The following LRP1B variants were observed in gnomAD, a reference collection of about 807,000 sequenced individuals.
LRP1B encodes low-density lipoprotein receptor-related protein 1B.
Under a neutral mutation model 556.6 loss-of-function variants are expected in LRP1B, and 217 were observed. The observed-to-expected ratio is 0.39, with a 90% CI of 0.35 to 0.44. The LOEUF (loss-of-function observed/expected upper bound fraction) is 0.44. Among genes scored for constraint, LRP1B ranks in the 20% least tolerant of loss-of-function variants. The pLI is 1.00. For synonymous variants in LRP1B, 2,047 were observed against 1,865.8 expected, an observed-to-expected ratio of 1.10 and a Z score of -2.50; for missense variants, 5,053 against 5,620.8, an observed-to-expected ratio of 0.90 and a Z score of 3.23.
In LRP1B at chr2:142,102,743, T is replaced by A. The variant is rs188743593; in HGVS notation, c.82+27905A>T. 3.5e-3 allele frequency among the ~76,000 whole-genome samples: 536 copies of A among 151,908 alleles called. 6 individuals carry two copies. The highest frequency in any genetic ancestry group is 0.012 in the African/African-American group (519 of 41,532). On this transcript the variant is annotated intron_variant, in intron 1 of 90. Transcript: ENST00000389484. ...TATATAAAAAAATTGTCTCCCTAAATTTATTCTATGTGTCCAAGTCAGGTA... is the reference window on the plus strand; with the variant it reads ...TATATAAAAAAATTGTCTCCCTAAAATTATTCTATGTGTCCAAGTCAGGTA...
At chr2:141,439,630 GAT>G (rs1371558618) in intron 3 of LRP1B, among the ~76,000 whole-genome samples, 2 of 152,018 alleles carry the variant, frequency 1.3e-5, no homozygotes, top group Non-Finnish European at 2.9e-5. Flanking sequence ...CTTCAACACA[GAT>G]CACAATGTAG....
At chr2:140,779,740 GTCTCTC>G (rs1689628462) in intron 32 of LRP1B, among the ~76,000 whole-genome samples, 2 of 128,718 alleles carry the variant, frequency 1.6e-5, no homozygotes, top group African/African-American at 5.9e-5. Context: ...TGGTGTGTCT[GTCTCTC>G]TGTGAGAGAG....
chr2:140,387,530 C>A (rs1456324267), intron 66 of LRP1B, among the ~76,000 whole-genome samples: 1 of 151,864 alleles, frequency 6.6e-6, no homozygotes, highest in Non-Finnish European at 1.5e-5. Context: ...GCTCCAGCAA[C>A]ATTTTATTAG....
At position 140,456,446 on chromosome 2, in the gene LRP1B, T is replaced by C. The variant is rs746351071; in HGVS notation, c.9963+9A>G. 16 of 1,610,708 alleles carry C rather than the reference T, an allele frequency of 9.9e-6. No individual in the cohort carries two copies. The highest frequency in any genetic ancestry group is 8.0e-5 in the African/African-American group (6 of 74,802). ...CACTCTATAATAAGATTCCCAGACC[T>C]CCACTCACCTGGCTGGCTGTGCAGT... is the stretch of plus-strand genomic sequence containing the variant. On this transcript the variant is annotated intron_variant, in intron 62 of 90. Transcript: ENST00000389484.
intron 1 of LRP1B, among the ~76,000 whole-genome samples, chr2:141,914,074 A>AGG (rs1699972747): frequency 6.6e-6 from 1 of 152,124 alleles, no homozygotes; most frequent in Non-Finnish European, 1.5e-5. Context: ...CTTACCAAGG[A>AGG]GGGCACAGCC....
At chr2:141,423,077 G>C (rs1481887243) in intron 3 of LRP1B, among the ~76,000 whole-genome samples, 1 of 152,082 alleles carries the variant, frequency 6.6e-6, no homozygotes, top group African/African-American at 2.4e-5. Context: ...TGTTGTAAAA[G>C]GCGAAGAGGA....
chr2:141,986,582 A>G (rs1439289144), intron 1 of LRP1B, among the ~76,000 whole-genome samples: 1 of 151,992 alleles, frequency 6.6e-6, no homozygotes, highest in Non-Finnish European at 1.5e-5. Context: ...GACTTCTAAC[A>G]TATATTTTGA....
chr2:141,937,650 CA>C (rs1700676527), intron 1 of LRP1B, among the ~76,000 whole-genome samples: 1 of 151,020 alleles, frequency 6.6e-6, no homozygotes, highest in South Asian at 2.1e-4. Flanking sequence ...TAAAAAAAAC[CA>C]TGGTGCACCT....
intron 41 of LRP1B, among the ~76,000 whole-genome samples, chr2:140,673,932 CTT>C (rs1559047144): frequency 6.8e-6 from 1 of 146,716 alleles, no homozygotes; most frequent in Non-Finnish European, 1.5e-5. Context: ...AAATATATCT[CTT>C]TTCTTTTTTC....
intron 1 of LRP1B, among the ~76,000 whole-genome samples, chr2:141,919,740 C>T (rs1443249099): frequency 2.0e-5 from 3 of 151,984 alleles, no homozygotes; most frequent in Non-Finnish European, 4.4e-5. Flanking sequence ...GGTGACACAT[C>T]TTTGAGTTAG....
In LRP1B at chr2:140,903,007, C is replaced by G. The variant is rs554527418; in HGVS notation, c.3679G>C (p.Val1227Leu). Residue 1227 changes from valine (V) to leucine (L), a missense_variant, in exon 23 of 91, where the codon GTA becomes CTA. Val to Leu is a conservative substitution (Grantham distance 32). Coordinates refer to ENST00000389484, the MANE Select transcript of LRP1B (RefSeq NM_018557.3). ...ACTGTGTGCTTGTGCTGCTCACATA[C>G]TTGGCTGCACTTTAGATGATTGCTA... ...YCSNHLKCSQ[V>L]CEQHKHTVKC... The G allele has an allele frequency of 1.9e-6, 3 of 1,613,644 alleles. No individual in the cohort carries two copies. The highest frequency in any genetic ancestry group is 1.7e-6 in the Non-Finnish European group (2 of 1,179,786).
intron 3 of LRP1B, among the ~76,000 whole-genome samples, chr2:141,417,756 C>CTTTT (rs1679960653): frequency 9.4e-6 from 1 of 106,240 alleles, no homozygotes. Context: ...TATGGTAGTT[C>CTTTT]TATTTTTTTT....
intron 2 of LRP1B, among the ~76,000 whole-genome samples, chr2:141,529,962 T>C (rs1167495611): frequency 1.3e-5 from 2 of 152,198 alleles, no homozygotes; most frequent in African/African-American, 4.8e-5. Context: ...TGCAATTTTC[T>C]GTGAAAAATA....
rs143379627 is a variant in LRP1B at position 140,900,019 on chromosome 2, G to C, written c.3766+2901C>G. ...AACTATGATCAAATAAATTTGCTAT[G>C]ATTTTCTCTTGTTAACTGGTCTTTG... is the stretch of plus-strand genomic sequence containing the variant. On this transcript the variant is annotated intron_variant, in intron 23 of 90. Coordinates refer to ENST00000389484, the MANE Select transcript of LRP1B (RefSeq NM_018557.3). Among the ~76,000 whole-genome samples the C allele has an allele frequency of 1.3e-4, 20 of 152,048 alleles. 1 individual carries two copies. The East Asian group carries it at 3.3e-3, about 25-fold the overall frequency.
rs554418231 is a variant in LRP1B at position 140,248,849 on chromosome 2, T to C, written c.13248-1687A>G. 3.2e-4 allele frequency among the ~76,000 whole-genome samples: 48 copies of C among 151,638 alleles called. 4 individuals are homozygous for C. The South Asian group carries it at 9.5e-3, about 30-fold the overall frequency. ...TGATTGTGAAATGCTTTTTGTGTTA[T>C]GTAGCTTTACATCTGCCAAATTTTT... On this transcript the variant is annotated intron_variant, in intron 86 of 90. Transcript: ENST00000389484.
rs143100928 is a variant in LRP1B, at chr2:140,634,156, A to C, written c.6800-32517T>G. On this transcript the variant is annotated intron_variant, in intron 41 of 90. Transcript: ENST00000389484. ...AAGACCAGCTCAACATTTCAAAATC[A>C]ATCAATATTAATCCACCACATTAAC... is the stretch of plus-strand genomic sequence containing the variant. Among the ~76,000 whole-genome samples the C allele has an allele frequency of 3.0e-3, 464 of 152,250 alleles. 2 individuals carry two copies. Among genetic ancestry groups the C allele is most frequent in the African/African-American group, 0.011 (450 of 41,556 alleles).
chr2:141,446,810 G>A (rs1440134864), intron 3 of LRP1B, among the ~76,000 whole-genome samples: 1 of 152,098 alleles, frequency 6.6e-6, no homozygotes, highest in Non-Finnish European at 1.5e-5. Flanking sequence ...TTCCTTTGTG[G>A]GTAACGCAAC....
intron 1 of LRP1B, among the ~76,000 whole-genome samples, chr2:141,813,233 A>G (rs1489299821): frequency 6.6e-6 from 1 of 152,182 alleles, no homozygotes; most frequent in Non-Finnish European, 1.5e-5. Context: ...AGAAACAAAA[A>G]CAAAACCGAT....
intron 7 of LRP1B, among the ~76,000 whole-genome samples, chr2:141,119,942 A>G (rs1417356453): frequency 6.6e-6 from 1 of 151,918 alleles, no homozygotes; most frequent in Non-Finnish European, 1.5e-5. Flanking sequence ...GTATTCTAGC[A>G]AATGATTATC....
Sources: gnomAD v4.1 joint callset for allele counts (sites outside exome capture counted in the v4.1 genomes callset) on GRCh38, gnomAD v4.1.1 for gene constraint, MANE v1.5 for transcripts, NCBI Gene and HGNC (gene_info 2026-07-23, HGNC 2026-07-21) for gene names.